The following WNK2 variants were observed in gnomAD, a reference collection of about 807,000 sequenced individuals.
The protein encoded by WNK2 is WNK lysine deficient protein kinase 2, also known as serine/threonine-protein kinase WNK2.
In WNK2, 67 loss-of-function variants were observed where a neutral mutation model predicts 192.1. The observed-to-expected ratio is 0.35, with a 90% CI of 0.29 to 0.43. The LOEUF (loss-of-function observed/expected upper bound fraction) is 0.43, where lower values mean the gene tolerates loss of function less well. Among genes scored for constraint, WNK2 ranks in the 20% least tolerant of loss-of-function variants. The pLI is 1.00. For missense variants in WNK2, 2,698 were observed against 3,089.7 expected, an observed-to-expected ratio of 0.87 and a Z score of 3.01; for synonymous variants, 1,439 against 1,393.9, an observed-to-expected ratio of 1.03 and a Z score of -0.72.
In WNK2 at chr9:93,317,620, T is replaced by C. The variant is rs1588675419; in HGVS notation, c.6617T>C (p.Val2206Ala). The C allele has an allele frequency of 6.2e-7, 1 of 1,613,026 alleles. No homozygotes were observed. The highest frequency in any genetic ancestry group is 2.2e-5 in the East Asian group (1 of 44,870). ...VIPGAAPTLS[V>A]PTPDPESEKP... ...CCCGGAGCCGCCCCGACCCTGTCCGTGCCCACACCAGGTACTGCCCTCTCC... is the reference window on the plus strand; with the variant it reads ...CCCGGAGCCGCCCCGACCCTGTCCGCGCCCACACCAGGTACTGCCCTCTCC... Residue 2206 changes from valine (V) to alanine (A), a missense_variant, in exon 29 of 30, where the codon GTG (valine) becomes GCG (alanine). Val to Ala is a moderately conservative substitution (Grantham distance 64, BLOSUM62 0). This residue lies in a region of WNK2 where 167 missense variants were observed against 184.2 expected (regional missense o/e 0.91). Transcript: ENST00000427277.
intron 13 of WNK2, 117 bp from the exon 14 acceptor site, chr9:93,262,553 C>T (rs111979803): frequency 0.018 from 19,968 of 1,115,188 alleles, 253 homozygotes; most frequent in Non-Finnish European, 0.02. Flanking sequence ...CAGGAGAACG[C>T]AGCGGGGCAG....
At chr9:93,255,785 T>C (rs922121932) in intron 9 of WNK2, among the ~76,000 whole-genome samples, 1 of 152,140 alleles carries the variant, frequency 6.6e-6, no homozygotes, top group Non-Finnish European at 1.5e-5. Context: ...ACCAACAAAT[T>C]AACAAATTCG....
In WNK2 at chr9:93,229,590, T is replaced by C. The variant is rs979119975; in HGVS notation, c.682-106T>C. On this transcript the variant is annotated intron_variant, in intron 2 of 29. Coordinates refer to ENST00000427277, the MANE Select transcript of WNK2 (RefSeq NM_006648.4). The surrounding 1 kb of genome is among the most constrained non-coding windows in gnomAD (Gnocchi z 4.9). ...TCATAGCCGCTTAGCTGCCTGTGGG[T>C]ATGGGAAGGGCTGGTCCTACTGTGT... 7 of 1,291,570 alleles carry C rather than the reference T, an allele frequency of 5.4e-6. No homozygotes were observed. In the African/African-American group the frequency reaches 1.0e-4, roughly 19 times the overall value. The allele number at this position is 1,291,570 out of a possible 1,614,324, so 80.0% of individuals were successfully genotyped here. A position where few individuals can be genotyped will look rare whatever the true frequency, so the allele number is the denominator to read the frequency against.
At chr9:93,269,015 A>C in intron 19 of WNK2, 1 of 1,404,282 alleles carries the variant, frequency 7.1e-7, no homozygotes. Flanking sequence ...TGTGTGTTGA[A>C]GAGCTCCGCT....
chr9:93,288,749 A>G, intron 19 of WNK2, 39 bp from the exon 20 acceptor site: 1 of 1,556,478 alleles, frequency 6.4e-7, no homozygotes, highest in Non-Finnish European at 8.7e-7. Flanking sequence ...ATAGGACTGG[A>G]GTACCCTGGT....
rs1282228548 is a variant in WNK2, at chr9:93,234,668, G to A, written c.1076-140G>A. The A allele has an allele frequency of 1.0e-5, 10 of 1,000,324 alleles. No individual in the cohort carries two copies. The South Asian group carries it at 1.5e-4, about 15-fold the overall frequency. 62.0% of individuals were successfully genotyped at this position (1,000,324 alleles called of 1,614,324 possible). Reference sequence around the variant, plus strand: ...CCAAGTGAGGGGCAGGGCTGGCCCTGGGGTCCAGGTGTTCTGAGTGTGCCA... The same window carrying A: ...CCAAGTGAGGGGCAGGGCTGGCCCTAGGGTCCAGGTGTTCTGAGTGTGCCA... On this transcript the variant is annotated intron_variant, in intron 4 of 29. Transcript: ENST00000427277.
At position 93,289,227 on chromosome 9, in the gene WNK2, C is replaced by T. The variant is rs780322104; in HGVS notation, c.4473C>T (p.Pro1491=). Reference sequence around the variant, plus strand: ...GCCCCCACAGCGGGACCCCACAGCCCGCCTTGGGTCAACCTGCTCCCCTGC... The same window carrying T: ...GCCCCCACAGCGGGACCCCACAGCCTGCCTTGGGTCAACCTGCTCCCCTGC... ...EPSPHSGTPQ[P]ALGQPAPLLP... Residue 1491 remains proline, a synonymous_variant, in exon 20 of 30, where the codon CCC becomes CCT. Coordinates refer to ENST00000427277, the MANE Select transcript of WNK2 (RefSeq NM_006648.4). 28 of 1,604,848 alleles carry T rather than the reference C, an allele frequency of 1.7e-5. No individual in the cohort carries two copies. Among genetic ancestry groups the T allele is most frequent in the East Asian group, 6.7e-5 (3 of 44,780 alleles).
chr9:93,228,695 C>T (rs1838219170), intron 2 of WNK2, among the ~76,000 whole-genome samples: 1 of 152,058 alleles, frequency 6.6e-6, no homozygotes, highest in Non-Finnish European at 1.5e-5. Context: ...GCTGTCACCT[C>T]GTGAGGGGAA....
intron 2 of WNK2, among the ~76,000 whole-genome samples, chr9:93,206,765 A>G (rs1022374728): frequency 6.6e-6 from 1 of 152,204 alleles, no homozygotes; most frequent in Non-Finnish European, 1.5e-5. Context: ...GAGGGCAGCC[A>G]GAATCCAGGC....
intron 19 of WNK2, among the ~76,000 whole-genome samples, chr9:93,273,462 G>A (rs1043904664): frequency 1.4e-4 from 21 of 152,096 alleles, no homozygotes; most frequent in Non-Finnish European, 2.9e-4. Flanking sequence ...CTGACATTAC[G>A]TATTTATAAA....
At chr9:93,275,129 T>C (rs1323199763) in intron 19 of WNK2, among the ~76,000 whole-genome samples, 4 of 152,188 alleles carry the variant, frequency 2.6e-5, no homozygotes, top group African/African-American at 9.7e-5. Context: ...CAGTCCACCA[T>C]ATTAATAGTC....
Position 93,299,063 on chromosome 9 carries a change from C to A in WNK2, c.5924-7C>A, listed in dbSNP as rs371355335. The stretch of plus-strand genomic sequence containing the variant: ...TCGTGCCTGTCGCCTCTTCTCCCCC[C>A]GCCCAGGTCACTTGGCTGACTCCAG... On this transcript the variant is annotated splice_region_variant and splice_polypyrimidine_tract_variant and intron_variant, in intron 24 of 29. Coordinates refer to ENST00000427277, the MANE Select transcript of WNK2 (RefSeq NM_006648.4). The A allele has an allele frequency of 1.9e-6, 3 of 1,607,746 alleles. No homozygotes were observed. Among genetic ancestry groups the A allele is most frequent in the South Asian group, 1.1e-5 (1 of 90,660 alleles).
intron 2 of WNK2, among the ~76,000 whole-genome samples, chr9:93,199,260 C>T (rs1173210648): frequency 1.3e-5 from 2 of 152,186 alleles, no homozygotes; most frequent in African/African-American, 2.4e-5. Context: ...AGGACTGAGC[C>T]GAGATGCTTG....
chr9:93,264,362 G>C (rs538859686), intron 16 of WNK2, among the ~76,000 whole-genome samples: 1 of 152,132 alleles, frequency 6.6e-6, no homozygotes, highest in African/African-American at 2.4e-5. Flanking sequence ...AGGGCATCCC[G>C]GAGTCTGATG....
chr9:93,267,436 ACTTAC>A (rs1845347576), intron 16 of WNK2, among the ~76,000 whole-genome samples: 1 of 151,830 alleles, frequency 6.6e-6, no homozygotes, highest in South Asian at 2.1e-4. Context: ...CATCCTATGC[ACTTAC>A]CTGTTCTGAA....
At position 93,267,880 on chromosome 9, in the gene WNK2, G is replaced by A. The variant is rs779763458; in HGVS notation, c.3831G>A (p.Pro1277=). The change falls in exon 17 of 30, where the codon CCG becomes CCA. Residue 1277 remains proline, a synonymous_variant. Coordinates refer to ENST00000427277, the MANE Select transcript of WNK2 (RefSeq NM_006648.4). ...ADRGSDPGTS[P]PHLSTCGLGT... is the part of the protein sequence containing the mutation. Reference sequence around the variant, plus strand: ...GTGGCTCCGACCCAGGGACCAGCCCGCCACACCTCAGCACCTGCGGCCTGG... The same window carrying A: ...GTGGCTCCGACCCAGGGACCAGCCCACCACACCTCAGCACCTGCGGCCTGG... 7 of 1,612,704 alleles carry A rather than the reference G, an allele frequency of 4.3e-6. No homozygotes were observed. In the Admixed American group the frequency reaches 6.7e-5, roughly 15 times the overall value.
At chr9:93,240,011 G>T (rs35438983) in intron 7 of WNK2, 35 bp downstream of exon 7, 2 of 1,583,270 alleles carry the variant, frequency 1.3e-6, no homozygotes, top group South Asian at 1.1e-5. Flanking sequence ...GGTGGGTGCA[G>T]GTGTTGGCAG....
intron 16 of WNK2, among the ~76,000 whole-genome samples, chr9:93,266,629 CAT>C (rs1268129343): frequency 3.3e-5 from 5 of 152,242 alleles, no homozygotes; most frequent in African/African-American, 1.2e-4. Context: ...ATTGCAGTCA[CAT>C]GTTACACTAA....
Position 93,247,785 on chromosome 9 carries a change from C to A in WNK2, c.1785C>A (p.Asp595Glu), listed in dbSNP as rs1397413275. 6 of 1,547,642 alleles carry A rather than the reference C, an allele frequency of 3.9e-6. No individual in the cohort carries two copies. Among genetic ancestry groups the A allele is most frequent in the Non-Finnish European group, 4.4e-6 (5 of 1,148,554 alleles). ...CAGAGCCCGAGGAGCCGGAGGCCGA[C>A]CAGCACCTCCTGCCACCTACGTTGC... ...GPPEPEEPEA[D>E]QHLLPPTLPT... Residue 595 changes from aspartate to glutamate, a missense_variant, in exon 8 of 30, where the codon GAC (aspartate) becomes GAA (glutamate). Asp to Glu is a conservative substitution (Grantham distance 45). Coordinates refer to ENST00000427277, the MANE Select transcript of WNK2 (RefSeq NM_006648.4). The surrounding 1 kb of genome is among the most constrained non-coding windows in gnomAD (Gnocchi z 5.2).
Sources: gnomAD v4.1 joint callset for allele counts (sites outside exome capture counted in the v4.1 genomes callset) on GRCh38, gnomAD v4.1.1 for gene constraint, gnomAD v4.1.1 regional missense constraint, Gnocchi (gnomAD v3.1) non-coding constraint, MANE v1.5 for transcripts, NCBI Gene and HGNC (gene_info 2026-07-23, HGNC 2026-07-21) for gene names.